The following MAP7D2 variants were observed in gnomAD, a reference collection of about 807,000 sequenced individuals.
MAP7D2 encodes the protein MAP7 domain containing 2.
MAP7D2 carries 33 observed loss-of-function variants against 63.5 expected under a neutral mutation model. The ratio of observed to expected loss-of-function variants is 0.52; its 90% confidence interval spans 0.39 to 0.70. The LOEUF (loss-of-function observed/expected upper bound fraction) is 0.70. MAP7D2 is among the 30% of genes least tolerant of loss of function. The pLI is 0.00. For synonymous variants in MAP7D2, 224 were observed against 223.7 expected (o/e 1.00, Z -0.01); for missense variants, 626 against 604.0 (o/e 1.04, Z -0.38).
intron 1 of MAP7D2, among the ~76,000 whole-genome samples, chrX:20,099,065 A>G (rs896801181): frequency 1.8e-5 from 2 of 112,495 alleles, no homozygotes; most frequent in Non-Finnish European, 3.8e-5. Context: ...CTGTCAGTAC[A>G]TTTTTAAACA....
At chrX:20,037,883 G>A (rs1274192934) in intron 8 of MAP7D2, among the ~76,000 whole-genome samples, 3 of 111,606 alleles carry the variant, frequency 2.7e-5, no homozygotes, top group African/African-American at 9.8e-5. Context: ...TGGATAGGAT[G>A]ACTCGTTCTG....
rs377766337 is a variant in MAP7D2 at position 20,016,317 on chromosome X, C to T, written c.1421G>A (p.Arg474Lys). 2.5e-6 allele frequency: 3 copies of T among 1,207,976 alleles called. No homozygotes were observed. Among genetic ancestry groups the T allele is most frequent in the Admixed American group, 4.4e-5 (2 of 45,758 alleles). Residue 474 changes from arginine to lysine, a missense_variant, in exon 11 of 17, where the codon AGA (arginine) becomes AAA (lysine). Coordinates refer to ENST00000379643, the MANE Select transcript of MAP7D2 (RefSeq NM_001168465.2). ...LEKEEQDRLE[R>K]EELKRKAEEE... Reference sequence around the variant, plus strand: ...CTCTGCCTTTCTTTTCAATTCCTCTCTCTCCAGCCTTTTGAGAATACAACT... The same window carrying T: ...CTCTGCCTTTCTTTTCAATTCCTCTTTCTCCAGCCTTTTGAGAATACAACT...
intron 4 of MAP7D2, 83 bp downstream of exon 4, chrX:20,056,597 A>G (rs1436987968): frequency 1.3e-6 from 1 of 763,382 alleles, no homozygotes; most frequent in African/African-American, 2.1e-5. Context: ...GATCCTGGAG[A>G]CACCCAGTGG....
At chrX:20,052,530 C>A in intron 5 of MAP7D2, 1 of 236,340 alleles carries the variant, frequency 4.2e-6, no homozygotes, top group South Asian at 6.7e-5. Flanking sequence ...CAACTGTATT[C>A]CATCATTGAC....
At chrX:20,039,383 G>A (rs2064586243) in intron 8 of MAP7D2, among the ~76,000 whole-genome samples, 1 of 112,050 alleles carries the variant, frequency 8.9e-6, no homozygotes, top group Admixed American at 9.4e-5. Context: ...GCATTTAAGT[G>A]TTAACTTTAT....
chrX:20,015,806 T>C (rs1198253299), intron 11 of MAP7D2, among the ~76,000 whole-genome samples: 1 of 112,256 alleles, frequency 8.9e-6, no homozygotes, highest in African/African-American at 3.2e-5. Flanking sequence ...TGCACTTACA[T>C]TGGCTTTTCT....
chrX:20,051,561 A>T (rs966458669), intron 5 of MAP7D2, among the ~76,000 whole-genome samples: 3 of 102,542 alleles, frequency 2.9e-5, no homozygotes, highest in Non-Finnish European at 4.1e-5. Flanking sequence ...AAAAACAAAC[A>T]AAAAAAAAAC....
At chrX:20,059,210 T>C (rs185332113) in intron 3 of MAP7D2, among the ~76,000 whole-genome samples, 2 of 112,383 alleles carry the variant, frequency 1.8e-5, no homozygotes, top group Admixed American at 1.9e-4. Context: ...AGTTCTCAAA[T>C]CTGAGAGATC....
At chrX:20,030,772 C>T (rs1049163154) in intron 8 of MAP7D2, among the ~76,000 whole-genome samples, 2 of 111,449 alleles carry the variant, frequency 1.8e-5, no homozygotes, top group South Asian at 7.5e-4. Flanking sequence ...AGTTTTATAC[C>T]GGAGAAACCT....
At chrX:20,094,544 A>G (rs866394348) in intron 1 of MAP7D2, among the ~76,000 whole-genome samples, 43 of 7,705 alleles carry the variant, frequency 5.6e-3, no homozygotes, top group Non-Finnish European at 6.8e-3. Context: ...ATATATATGT[A>G]TATATATATA....
At chrX:20,017,746 T>C (rs1408426940) in intron 10 of MAP7D2, among the ~76,000 whole-genome samples, 3 of 111,449 alleles carry the variant, frequency 2.7e-5, no homozygotes, top group African/African-American at 9.8e-5. Context: ...AATGAAATAC[T>C]ATGTCCAACA....
chrX:20,062,584 T>C (rs1053502625), intron 3 of MAP7D2, among the ~76,000 whole-genome samples: 1 of 111,461 alleles, frequency 9.0e-6, no homozygotes, highest in African/African-American at 3.3e-5. Context: ...TCCTATAGGG[T>C]TGGAGATTAC....
chrX:20,116,717 C>A lies in MAP7D2; in HGVS notation c.130+33G>T, dbSNP rs766544049. On this transcript the variant is annotated intron_variant, in intron 1 of 16. Transcript: ENST00000379643. ...CCGCCCCCCCACAGGAACCCGAAGC[C>A]CTCGGGCGCCCGCCACACTCTGGGG... 1.0e-4 allele frequency: 114 copies of A among 1,138,088 alleles called. 1 individual carries two copies. Among genetic ancestry groups the A allele is most frequent in the Non-Finnish European group, 1.9e-5 (16 of 859,475 alleles). 93.8% of individuals were successfully genotyped at this position (1,138,088 alleles called of 1,213,427 possible).
intron 1 of MAP7D2, among the ~76,000 whole-genome samples, chrX:20,083,777 C>T (rs2065835838): frequency 9.0e-6 from 1 of 111,624 alleles, no homozygotes; most frequent in Admixed American, 9.5e-5. Context: ...ACTGTGTACC[C>T]CAGTGCTTGG....
intron 5 of MAP7D2, 97 bp from the exon 6 acceptor site, chrX:20,051,043 T>C: frequency 2.8e-6 from 2 of 703,631 alleles, no homozygotes; most frequent in Non-Finnish European, 3.9e-6. Context: ...AAATTAACTT[T>C]TGGGTGGCAG....
At chrX:20,114,056 C>T (rs766809300) in intron 1 of MAP7D2, among the ~76,000 whole-genome samples, 6 of 111,841 alleles carry the variant, frequency 5.4e-5, no homozygotes, top group Admixed American at 2.8e-4. Flanking sequence ...TCTTTCGAGA[C>T]GGAGTCTCGC....
At chrX:20,035,128 G>T (rs2074181200) in intron 8 of MAP7D2, among the ~76,000 whole-genome samples, 1 of 111,732 alleles carries the variant, frequency 8.9e-6, no homozygotes, top group Admixed American at 9.5e-5. Flanking sequence ...GGAGGGTAGG[G>T]ACTTTTGCAT....
At chrX:20,094,516 G>GTATA (rs1208747143) in intron 1 of MAP7D2, among the ~76,000 whole-genome samples, 1 of 11,884 alleles carries the variant, frequency 8.4e-5, no homozygotes, top group Non-Finnish European at 1.1e-4. Flanking sequence ...ATATATATAT[G>GTATA]TATATATATA....
At chrX:20,057,392 C>T (rs143584245) in intron 3 of MAP7D2, among the ~76,000 whole-genome samples, 1,121 of 109,437 alleles carry the variant, frequency 0.01, 16 homozygotes, top group African/African-American at 0.035. Context: ...ACCTTCTGGC[C>T]ACAAAAAAAA....
Sources: allele counts gnomAD v4.1 joint callset (sites outside exome capture counted in the v4.1 genomes callset), GRCh38; gene constraint gnomAD v4.1.1; transcripts MANE v1.5; gene names NCBI Gene and HGNC (gene_info 2026-07-23, HGNC 2026-07-21).